HSF2: variants seen among roughly 807,000 people sequenced by gnomAD.
HSF2 encodes heat shock transcription factor 2.
A neutral mutation model predicts 65.0 loss-of-function variants in HSF2; 21 were observed. The observed-to-expected ratio is 0.32, with a 90% CI of 0.23 to 0.47. The LOEUF is 0.47. HSF2 is among the 20% of genes least tolerant of loss of function. HSF2 has a pLI of 1.00. For synonymous variants in HSF2, 225 were observed against 219.1 expected, an observed-to-expected ratio of 1.03 and a Z score of -0.24; for missense variants, 499 against 628.1, an observed-to-expected ratio of 0.79 and a Z score of 2.20.
intron 11 of HSF2, among the ~76,000 whole-genome samples, chr6:122,429,130 A>G (rs1774403999): frequency 6.6e-6 from 1 of 152,080 alleles, no homozygotes; most frequent in African/African-American, 2.4e-5. Context: ...CCATAAGTTT[A>G]CCTGGATTTA....
At chr6:122,403,332 G>A (rs909030675) in intron 1 of HSF2, among the ~76,000 whole-genome samples, 4 of 152,104 alleles carry the variant, frequency 2.6e-5, no homozygotes, top group African/African-American at 2.4e-5. Flanking sequence ...GTGGCTAGGC[G>A]TGGTGGCTCA....
chr6:122,418,791 G>A (rs1774175311), intron 5 of HSF2, among the ~76,000 whole-genome samples: 1 of 151,956 alleles, frequency 6.6e-6, no homozygotes, highest in East Asian at 1.9e-4. Context: ...TTTCTAACTC[G>A]AAAATTTCAT....
intron 1 of HSF2, among the ~76,000 whole-genome samples, chr6:122,411,906 GAATTCTTAAAGGGTTTTTA>G (rs1414924510): frequency 6.6e-6 from 1 of 151,764 alleles, no homozygotes; most frequent in African/African-American, 2.4e-5. Context: ...GTATCTTACT[GAATTCTTAAAGGGTTTTTA>G]AATTGATTTT....
chr6:122,412,561 G>A (rs1013048253), intron 2 of HSF2, 76 bp from the exon 3 acceptor site: 2 of 1,568,974 alleles, frequency 1.3e-6, no homozygotes, highest in Non-Finnish European at 1.8e-6. Flanking sequence ...GGGTGGTAAA[G>A]GAAAATTATT....
chr6:122,407,087 A>G (rs1389967485), intron 1 of HSF2, among the ~76,000 whole-genome samples: 1 of 152,180 alleles, frequency 6.6e-6, no homozygotes, highest in East Asian at 1.9e-4. Flanking sequence ...CAACATTTAG[A>G]GAGTATGAAG....
intron 9 of HSF2, among the ~76,000 whole-genome samples, chr6:122,423,208 A>G (rs1205347929): frequency 6.6e-6 from 1 of 152,102 alleles, no homozygotes; most frequent in Non-Finnish European, 1.5e-5. Context: ...AGTGTTTGTG[A>G]TTATATATAT....
chr6:122,430,910 C>T (rs1430445978), intron 11 of HSF2, among the ~76,000 whole-genome samples: 1 of 152,114 alleles, frequency 6.6e-6, no homozygotes, highest in East Asian at 1.9e-4. Flanking sequence ...AGAAGAAACA[C>T]CACCTCAACT....
chr6:122,431,405 TTATA>T (rs2243363), intron 11 of HSF2, 21 bp from the exon 12 acceptor site: 7 of 1,051,030 alleles, frequency 6.7e-6, no homozygotes, highest in Middle Eastern at 3.2e-4. Context: ...AAACAAGTAC[TTATA>T]TATATATTTT....
intron 10 of HSF2, among the ~76,000 whole-genome samples, chr6:122,427,489 A>G (rs1327006952): frequency 6.6e-6 from 1 of 151,968 alleles, no homozygotes; most frequent in Non-Finnish European, 1.5e-5. Flanking sequence ...AGATTCTGTA[A>G]ATTTTTTACC....
chr6:122,432,749 A>G lies in HSF2; in HGVS notation c.*529A>G, dbSNP rs1774505071. 6.5e-6 allele frequency: 1 copy of G among 153,002 alleles called. No homozygotes were observed. The highest frequency in any genetic ancestry group is 1.5e-5 in the Non-Finnish European group (1 of 68,682). 9.5% of individuals were successfully genotyped at this position (153,002 alleles called of 1,614,324 possible). ...CAGAGAAGTTCATTTATGTTCAAAGACGTTTATTCATGTTCAACAGGAAAG... is the reference window on the plus strand; with the variant it reads ...CAGAGAAGTTCATTTATGTTCAAAGGCGTTTATTCATGTTCAACAGGAAAG... On this transcript the variant is annotated 3_prime_UTR_variant, in exon 13 of 13. Transcript: ENST00000368455.
At chr6:122,415,366 C>T (rs572219799) in intron 4 of HSF2, among the ~76,000 whole-genome samples, 1 of 151,628 alleles carries the variant, frequency 6.6e-6, no homozygotes, top group South Asian at 2.1e-4. Context: ...TGAGCAGTTC[C>T]CCTCAATTCT....
chr6:122,431,486 A>G lies in HSF2; in HGVS notation c.1287A>G (p.Glu429=). The change falls in exon 12 of 13, where the codon GAA becomes GAG. Residue 429 remains glutamate (E), a synonymous_variant. Transcript: ENST00000368455. ...ACAATGTAGTTCAGCCAGTTTCGGAAGAGGGAAGAAAATCTAAATCCAAAC... is the reference window on the plus strand; with the variant it reads ...ACAATGTAGTTCAGCCAGTTTCGGAGGAGGGAAGAAAATCTAAATCCAAAC... ...TKNNVVQPVS[E]EGRKSKSKPD... 6.3e-7 allele frequency: 1 copy of G among 1,592,826 alleles called. No individual in the cohort carries two copies. Among genetic ancestry groups the G allele is most frequent in the Non-Finnish European group, 8.6e-7 (1 of 1,165,472 alleles).
rs1774202600 is a variant in HSF2, at chr6:122,420,196, G to A, written c.655G>A (p.Glu219Lys). 3 of 1,603,020 alleles carry A rather than the reference G, an allele frequency of 1.9e-6. No individual in the cohort carries two copies. The highest frequency in any genetic ancestry group is 2.6e-6 in the Non-Finnish European group (3 of 1,171,350). Residue 219 changes from glutamate (E) to lysine (K), a missense_variant, in exon 7 of 13, where the codon GAA (glutamate) becomes AAA (lysine). By Grantham distance (56) the Glu-to-Lys change is moderately conservative. Transcript: ENST00000368455. ...GAACCTGTTTCAGCACATAGTCAAA[G>A]AACCAACTGATAATCATCATCATAA... Reference protein sequence around the residue: ...KKNLFQHIVKEPTDNHHHKVP... With the variant: ...KKNLFQHIVKKPTDNHHHKVP...
chr6:122,430,550 GTTTCGTAGT>G (rs1251655438), intron 11 of HSF2, among the ~76,000 whole-genome samples: 1 of 151,956 alleles, frequency 6.6e-6, no homozygotes, highest in Non-Finnish European at 1.5e-5. Flanking sequence ...TTTTGGAAAG[GTTTCGTAGT>G]TTTTATTATA....
chr6:122,412,038 T>G (rs754804476), intron 1 of HSF2, among the ~76,000 whole-genome samples: 3 of 151,956 alleles, frequency 2.0e-5, no homozygotes, highest in Non-Finnish European at 2.9e-5. Flanking sequence ...TGCACTAGTT[T>G]TAAAACAATG....
intron 5 of HSF2, 131 bp downstream of exon 5, chr6:122,416,427 T>C: frequency 2.0e-6 from 1 of 508,898 alleles, no homozygotes; most frequent in Non-Finnish European, 3.5e-6. Flanking sequence ...CAGATAGAAG[T>C]AAAAAATGAA....
At chr6:122,408,216 G>A (rs1315885387) in intron 1 of HSF2, among the ~76,000 whole-genome samples, 1 of 151,844 alleles carries the variant, frequency 6.6e-6, no homozygotes, top group African/African-American at 2.4e-5. Flanking sequence ...CCTGTCTTCT[G>A]CTGTCTTAAT....
chr6:122,431,142 G>T (rs1039423386), intron 11 of HSF2, among the ~76,000 whole-genome samples: 15 of 152,020 alleles, frequency 9.9e-5, no homozygotes, highest in East Asian at 7.8e-4. Context: ...TCTTTTACTC[G>T]TGACAAATTC....
At chr6:122,426,665 A>G (rs924773620) in intron 10 of HSF2, among the ~76,000 whole-genome samples, 7 of 152,084 alleles carry the variant, frequency 4.6e-5, no homozygotes, top group African/African-American at 1.7e-4. Context: ...TTATAGGACT[A>G]CCATGAATAT....
Sources: gnomAD v4.1 joint callset for allele counts (sites outside exome capture counted in the v4.1 genomes callset) on GRCh38, gnomAD v4.1.1 for gene constraint, MANE v1.5 for transcripts, NCBI Gene and HGNC (gene_info 2026-07-23, HGNC 2026-07-21) for gene names.